The following FHOD3 variants were observed in gnomAD, a reference collection of about 807,000 sequenced individuals.
The protein encoded by FHOD3 is formin homology 2 domain containing 3, also known as FH1/FH2 domain-containing protein 3.
A neutral mutation model predicts 173.0 loss-of-function variants in FHOD3; 90 were observed. The ratio of observed to expected loss-of-function variants is 0.52; its 90% CI spans 0.44 to 0.62. The LOEUF (loss-of-function observed/expected upper bound fraction) is 0.62. FHOD3 is among the 20% of genes least tolerant of loss of function. The pLI is 0.00. For missense variants in FHOD3, 1,945 were observed against 2,034.7 expected (o/e 0.96, Z 0.85); for synonymous variants, 828 against 823.0 (o/e 1.01, Z -0.10).
chr18:36,733,659 CA>C (rs2041483870), intron 20 of FHOD3, among the ~76,000 whole-genome samples: 2 of 152,124 alleles, frequency 1.3e-5, no homozygotes, highest in Admixed American at 1.3e-4. Flanking sequence ...GGCTGGTTTC[CA>C]GTTGAGCACC....
chr18:36,445,503 T>C (rs2051415402), intron 3 of FHOD3, among the ~76,000 whole-genome samples: 1 of 152,174 alleles, frequency 6.6e-6, no homozygotes, highest in South Asian at 2.1e-4. Context: ...GCGGGGTCGA[T>C]GTGGTTGGAC....
At chr18:36,765,411 A>G (rs981151340) in intron 27 of FHOD3, among the ~76,000 whole-genome samples, 1 of 152,212 alleles carries the variant, frequency 6.6e-6, no homozygotes. Flanking sequence ...ACGTTCTTCT[A>G]TACACAAAGT....
At chr18:36,719,581 AG>A (rs555945391) in intron 19 of FHOD3, among the ~76,000 whole-genome samples, 144 of 152,368 alleles carry the variant, frequency 9.5e-4, no homozygotes, top group African/African-American at 3.4e-3. Context: ...TATAAGGGGT[AG>A]GAGAAAGCAC....
chr18:36,682,836 C>A (rs669707), intron 15 of FHOD3, among the ~76,000 whole-genome samples: 71,849 of 152,086 alleles, frequency 0.47, 17,146 homozygotes, highest in East Asian at 0.65. Flanking sequence ...GCCTCAGCCT[C>A]CCAAAGTGCT....
intron 1 of FHOD3, among the ~76,000 whole-genome samples, chr18:36,348,210 C>T (rs1598794635): frequency 6.6e-6 from 1 of 152,176 alleles, no homozygotes; most frequent in Non-Finnish European, 1.5e-5. Context: ...AAAGGAACCA[C>T]AAAATCCAAG....
intron 1 of FHOD3, among the ~76,000 whole-genome samples, chr18:36,346,180 A>G (rs1019269600): frequency 1.3e-5 from 2 of 152,202 alleles, no homozygotes; most frequent in African/African-American, 4.8e-5. Flanking sequence ...AGCCTGGGCA[A>G]CATGGCGAGG....
intron 19 of FHOD3, among the ~76,000 whole-genome samples, chr18:36,724,938 C>G (rs1057147093): frequency 6.6e-6 from 1 of 152,184 alleles, no homozygotes; most frequent in African/African-American, 2.4e-5. Flanking sequence ...CAGGCTTCTC[C>G]CTACACCCTT....
rs77074107 is a variant in FHOD3, at chr18:36,597,261, C to T, written c.718+2363C>T. Among the ~76,000 whole-genome samples the T allele has an allele frequency of 5.2e-4, 79 of 152,236 alleles. 1 individual carries two copies. In the East Asian group the frequency reaches 0.014, roughly 28 times the overall value. On this transcript the variant is annotated intron_variant, in intron 7 of 28. Transcript: ENST00000590592. ...GAACCCAGGCCTTTGTGTATCATAT[C>T]CAAGACTCCATCCATAGCCCCAGCC...
rs1399789497 is a variant in FHOD3, at chr18:36,759,137, T to C, written c.4445T>C (p.Val1482Ala). The C allele has an allele frequency of 6.5e-7, 1 of 1,535,956 alleles. No homozygotes were observed. Among genetic ancestry groups the C allele is most frequent in the Non-Finnish European group, 8.7e-7 (1 of 1,146,742 alleles). ...MITDTDEEEE[V>A]ESGKFSGSSP... is the part of the protein sequence containing the mutation. ...GGGTAGACTGATGAGGAGGAGGAAG[T>C]TGAGGTATGACCATTTATGAACATG... Residue 1482 changes from valine to alanine, a missense_variant, in exon 26 of 29, where the codon GTT becomes GCT. Around this residue, in one of 5 missense-constraint regions of FHOD3, gnomAD observed 354 missense variants for 359.9 expected, o/e 0.98. Coordinates refer to ENST00000590592, the MANE Select transcript of FHOD3 (RefSeq NM_001281740.3).
intron 3 of FHOD3, among the ~76,000 whole-genome samples, chr18:36,406,192 A>G (rs551048693): frequency 1.3e-5 from 2 of 152,078 alleles, no homozygotes; most frequent in East Asian, 3.9e-4. Flanking sequence ...TGGAATGCTC[A>G]TCATGCTGGT....
intron 24 of FHOD3, among the ~76,000 whole-genome samples, chr18:36,748,546 G>T (rs1015497145): frequency 1.3e-5 from 2 of 152,140 alleles, no homozygotes; most frequent in Non-Finnish European, 2.9e-5. Context: ...CAGTTTGGTG[G>T]TGTGTCTATT....
intron 3 of FHOD3, among the ~76,000 whole-genome samples, chr18:36,448,296 G>C (rs189648336): frequency 2.0e-5 from 3 of 152,250 alleles, no homozygotes; most frequent in East Asian, 1.9e-4. Context: ...GTTCATAAAG[G>C]GTAGGGTAGA....
chr18:36,724,344 C>T (rs1600426473), intron 19 of FHOD3, among the ~76,000 whole-genome samples: 1 of 152,208 alleles, frequency 6.6e-6, no homozygotes, highest in Non-Finnish European at 1.5e-5. Flanking sequence ...TTTGCAGGCT[C>T]CTGCCTCCTG....
chr18:36,444,982 G>T (rs948002602), intron 3 of FHOD3, among the ~76,000 whole-genome samples: 47 of 152,178 alleles, frequency 3.1e-4, no homozygotes, highest in African/African-American at 1.1e-3. Context: ...TAAGTCAAAA[G>T]ATAAAGTACC....
intron 14 of FHOD3, among the ~76,000 whole-genome samples, chr18:36,673,422 A>T (rs886104763): frequency 2.0e-5 from 3 of 152,198 alleles, no homozygotes; most frequent in Non-Finnish European, 2.9e-5. Flanking sequence ...TCAAGTTTGT[A>T]TAATGGAAAT....
chr18:36,325,869 A>G (rs1397040398), intron 1 of FHOD3, among the ~76,000 whole-genome samples: 1 of 152,244 alleles, frequency 6.6e-6, no homozygotes, highest in Admixed American at 6.5e-5. Flanking sequence ...ACCTAGACCC[A>G]GTGGGCAGTG....
intron 2 of FHOD3, among the ~76,000 whole-genome samples, chr18:36,367,691 A>G (rs545600000): frequency 6.6e-6 from 1 of 152,306 alleles, no homozygotes; most frequent in South Asian, 2.1e-4. Context: ...AGGGTTCTCC[A>G]GAGACACAGA....
intron 2 of FHOD3, among the ~76,000 whole-genome samples, chr18:36,371,583 C>G (rs2047189872): frequency 6.6e-6 from 1 of 152,202 alleles, no homozygotes. Context: ...GGAGACACAA[C>G]CAAATCATAT....
chr18:36,559,874 C>G (rs190848579), intron 5 of FHOD3, among the ~76,000 whole-genome samples: 7 of 152,066 alleles, frequency 4.6e-5, no homozygotes, highest in African/African-American at 1.4e-4. Context: ...GTTAGCCCCC[C>G]GGTCCCACAG....
Sources: gnomAD v4.1 joint callset for allele counts (sites outside exome capture counted in the v4.1 genomes callset) on GRCh38, gnomAD v4.1.1 for gene constraint, gnomAD v4.1.1 regional missense constraint, MANE v1.5 for transcripts, NCBI Gene and HGNC (gene_info 2026-07-23, HGNC 2026-07-21) for gene names.